ZNRF1: variants seen among roughly 807,000 people sequenced by gnomAD.
ZNRF1 encodes zinc and ring finger 1, also known as E3 ubiquitin-protein ligase ZNRF1.
ZNRF1 carries 3 observed loss-of-function variants against 18.4 expected under a neutral mutation model. The ratio of observed to expected loss-of-function variants is 0.16; its 90% CI spans 0.07 to 0.42. The LOEUF is 0.42. Ranked by LOEUF, ZNRF1 falls within the 10% of genes least tolerant of loss-of-function variation. ZNRF1 has a pLI of 0.99. For synonymous variants in ZNRF1, 157 were observed against 144.2 expected (o/e 1.09, Z -0.64); for missense variants, 310 against 329.8 (o/e 0.94, Z 0.47).
intron 1 of ZNRF1, among the ~76,000 whole-genome samples, chr16:75,052,765 A>T (rs2035621498): frequency 6.6e-6 from 1 of 152,224 alleles, no homozygotes; most frequent in Non-Finnish European, 1.5e-5. Flanking sequence ...ATATTGCTTT[A>T]TCACAGACTG....
At chr16:75,039,800 T>A (rs1384683068) in intron 1 of ZNRF1, among the ~76,000 whole-genome samples, 1 of 152,176 alleles carries the variant, frequency 6.6e-6, no homozygotes. Context: ...GAGAAATCCC[T>A]TTCATAGTTC....
intron 2 of ZNRF1, among the ~76,000 whole-genome samples, chr16:75,096,059 C>CGT (rs1567494250): frequency 8.1e-5 from 5 of 61,766 alleles, no homozygotes; most frequent in Admixed American, 1.6e-4. Flanking sequence ...TGTATGTGTG[C>CGT]ACGTGTGTGT....
intron 4 of ZNRF1, 89 bp from the exon 5 acceptor site, chr16:75,107,644 C>T (rs1400869873): frequency 1.1e-5 from 5 of 453,030 alleles, no homozygotes; most frequent in Non-Finnish European, 1.8e-5. Flanking sequence ...GCCCCAGCCC[C>T]GCCTGCCCTC....
At chr16:75,001,930 G>A (rs1360980105) in intron 1 of ZNRF1, among the ~76,000 whole-genome samples, 1 of 152,112 alleles carries the variant, frequency 6.6e-6, no homozygotes, top group Non-Finnish European at 1.5e-5. Flanking sequence ...TGAACTGTGG[G>A]GACAGGAAGG....
rs79218955 is a variant in ZNRF1, at chr16:75,001,993, T to C, written c.424+1898T>C. Among the ~76,000 whole-genome samples the C allele has an allele frequency of 3.0e-3, 453 of 152,274 alleles. 18 individuals are homozygous for C. In the East Asian group the frequency reaches 0.077, roughly 26 times the overall value. On this transcript the variant is annotated intron_variant, in intron 1 of 4. Coordinates refer to ENST00000335325, the MANE Select transcript of ZNRF1 (RefSeq NM_032268.5). ...GGTGTCAAAAGTGTGTATGGGAGGC[T>C]GCTATTAATATTGTAGGTAATCCAT...
intron 1 of ZNRF1, among the ~76,000 whole-genome samples, chr16:75,024,263 C>T (rs1178385848): frequency 1.3e-5 from 2 of 152,164 alleles, no homozygotes; most frequent in African/African-American, 2.4e-5. Flanking sequence ...CTGTCCTTGG[C>T]TTAGGGAATT....
At chr16:75,066,694 G>C (rs1597891552) in intron 1 of ZNRF1, among the ~76,000 whole-genome samples, 1 of 151,984 alleles carries the variant, frequency 6.6e-6, no homozygotes, top group South Asian at 2.1e-4. Flanking sequence ...AGTAGAGATG[G>C]GGTTTCACCA....
intron 1 of ZNRF1, among the ~76,000 whole-genome samples, chr16:75,037,607 C>T (rs566208788): frequency 2.6e-5 from 4 of 152,092 alleles, no homozygotes; most frequent in Admixed American, 6.5e-5. Context: ...CAAAGTGCTG[C>T]GATTACAGGC....
Position 75,049,896 on chromosome 16 carries a change from A to G in ZNRF1, c.425-43676A>G, listed in dbSNP as rs902394923. Among the ~76,000 whole-genome samples, 3 of 147,682 alleles carry G rather than the reference A, an allele frequency of 2.0e-5. No individual in the cohort carries two copies. The Admixed American group carries it at 2.1e-4, about 10-fold the overall frequency. On this transcript the variant is annotated intron_variant, in intron 1 of 4. Coordinates refer to ENST00000335325, the MANE Select transcript of ZNRF1 (RefSeq NM_032268.5). The stretch of plus-strand genomic sequence containing the variant: ...GGTTTAGTGCAGTTTCATCATACAT[A>G]TGGGTTTATGTATCCAACATCACAA...
intron 1 of ZNRF1, among the ~76,000 whole-genome samples, chr16:75,072,964 G>A (rs947069201): frequency 3.3e-5 from 5 of 152,178 alleles, no homozygotes; most frequent in African/African-American, 1.2e-4. Flanking sequence ...CACTCAACCG[G>A]TTATCTAGTT....
intron 1 of ZNRF1, among the ~76,000 whole-genome samples, chr16:75,065,248 A>G (rs190326317): frequency 2.6e-5 from 4 of 152,150 alleles, no homozygotes. Context: ...CAATCACCCA[A>G]CCCCGAGGTG....
intron 1 of ZNRF1, among the ~76,000 whole-genome samples, chr16:75,043,713 G>A (rs1254223814): frequency 6.6e-6 from 1 of 151,556 alleles, no homozygotes; most frequent in East Asian, 1.9e-4. Context: ...AGAGACATGG[G>A]GGATCCTGGG....
At chr16:75,073,965 G>A (rs1248265170) in intron 1 of ZNRF1, among the ~76,000 whole-genome samples, 1 of 152,066 alleles carries the variant, frequency 6.6e-6, no homozygotes, top group African/African-American at 2.4e-5. Flanking sequence ...AAGGTAGGTT[G>A]CTTAAAATAC....
chr16:75,067,129 G>A (rs1332719028), intron 1 of ZNRF1, among the ~76,000 whole-genome samples: 1 of 152,146 alleles, frequency 6.6e-6, no homozygotes, highest in Admixed American at 6.6e-5. Flanking sequence ...TCCGTCATCT[G>A]TTTATGTGTA....
chr16:75,051,221 T>C (rs1198026304), intron 1 of ZNRF1, among the ~76,000 whole-genome samples: 4 of 151,986 alleles, frequency 2.6e-5, no homozygotes, highest in Non-Finnish European at 5.9e-5. Context: ...TATTTTTTTT[T>C]TTCTGAGACG....
At chr16:75,054,389 G>C (rs1486863032) in intron 1 of ZNRF1, among the ~76,000 whole-genome samples, 1 of 152,210 alleles carries the variant, frequency 6.6e-6, no homozygotes, top group Non-Finnish European at 1.5e-5. Context: ...TTGCCTCCCT[G>C]GCACCCTGCC....
At chr16:75,038,805 C>T (rs892785145) in intron 1 of ZNRF1, among the ~76,000 whole-genome samples, 3 of 152,134 alleles carry the variant, frequency 2.0e-5, no homozygotes, top group African/African-American at 7.2e-5. Flanking sequence ...GATGAGTCCT[C>T]CCACTCCTTT....
chr16:75,084,869 A>G (rs1445428796), intron 1 of ZNRF1, among the ~76,000 whole-genome samples: 2 of 152,302 alleles, frequency 1.3e-5, no homozygotes, highest in African/African-American at 2.4e-5. Flanking sequence ...ACTTTGTTCA[A>G]TGTTTATTAA....
At chr16:75,011,958 GAA>G (rs2035005497) in intron 1 of ZNRF1, among the ~76,000 whole-genome samples, 1 of 152,066 alleles carries the variant, frequency 6.6e-6, no homozygotes, top group Admixed American at 6.6e-5. Flanking sequence ...TTCCTCTACT[GAA>G]AATTTGTTTG....
Sources: allele counts gnomAD v4.1 joint callset (sites outside exome capture counted in the v4.1 genomes callset), GRCh38; gene constraint gnomAD v4.1.1; transcripts MANE v1.5; gene names NCBI Gene and HGNC (gene_info 2026-07-23, HGNC 2026-07-21).